The following MTNR1B variants were observed in gnomAD, a reference collection of about 807,000 sequenced individuals.
MTNR1B encodes melatonin receptor 1B.
Under a neutral mutation model 7.0 loss-of-function variants are expected in MTNR1B, and 7 were observed. The observed-to-expected ratio is 1.00, with a 90% confidence interval of 0.57 to 1.88. The LOEUF is 1.88. Among genes scored for constraint, MTNR1B ranks in the 40% most tolerant of loss-of-function variants. The pLI is 0.00. For missense variants in MTNR1B, 478 were observed against 486.5 expected (o/e 0.98, Z 0.16); for synonymous variants, 226 against 208.2 (o/e 1.09, Z -0.74).
intron 1 of MTNR1B, among the ~76,000 whole-genome samples, chr11:92,973,201 C>A (rs1194360159): frequency 6.6e-6 from 1 of 152,136 alleles, no homozygotes; most frequent in Non-Finnish European, 1.5e-5. Context: ...CCTACTCTTT[C>A]ATTCCACATG....
chr11:92,973,149 A>G (rs899324378), intron 1 of MTNR1B, among the ~76,000 whole-genome samples: 54 of 151,570 alleles, frequency 3.6e-4, no homozygotes, highest in African/African-American at 1.2e-3. Flanking sequence ...TTTTCTCTTC[A>G]TCTCCCGGAT....
intron 1 of MTNR1B, among the ~76,000 whole-genome samples, chr11:92,970,151 C>T (rs1447270993): frequency 1.3e-5 from 2 of 152,182 alleles, no homozygotes; most frequent in African/African-American, 2.4e-5. Context: ...CTGCCCAGGA[C>T]GCGCTTGGCA....
Position 92,981,625 on chromosome 11 carries a change from C to A in MTNR1B, c.402C>A (p.Ile134=). 6.2e-7 allele frequency: 1 copy of A among 1,614,190 alleles called. No individual in the cohort carries two copies. The highest frequency in any genetic ancestry group is 1.7e-5 in the Admixed American group (1 of 60,014). The change falls in exon 2 of 2, where the codon ATC becomes ATA. Residue 134 remains isoleucine, a synonymous_variant. Transcript: ENST00000257068. ...GCTCTGTCTTCAATATCACTGCCATCGCCATTAACCGCTACTGCTACATCT... is the reference window on the plus strand; with the variant it reads ...GCTCTGTCTTCAATATCACTGCCATAGCCATTAACCGCTACTGCTACATCT... The part of the protein sequence containing the change: ...VIGSVFNITA[I]AINRYCYICH...
rs1858094595 is a variant in MTNR1B at position 92,981,027 on chromosome 11, A to G, written c.224-420A>G. Among the ~76,000 whole-genome samples, 2 of 152,188 alleles carry G rather than the reference A, an allele frequency of 1.3e-5. 1 individual carries two copies. The highest frequency in any genetic ancestry group is 1.3e-4 in the Admixed American group (2 of 15,278). ...TGAGGGAATGTGAGGGAGCGATGAT[A>G]GTGATGAGAAATCCACACTCCTGAC... On this transcript the variant is annotated intron_variant, in intron 1 of 1. Coordinates refer to ENST00000257068, the MANE Select transcript of MTNR1B (RefSeq NM_005959.5).
At chr11:92,982,941 C>A (rs921094489), downstream of MTNR1B, among the ~76,000 whole-genome samples, 1 of 90,724 alleles carries the variant, frequency 1.1e-5, no homozygotes, top group East Asian at 4.4e-4. Flanking sequence ...ACTGCACCCC[C>A]CCCCCCCACA....
intron 1 of MTNR1B, among the ~76,000 whole-genome samples, chr11:92,972,249 A>G (rs778396384): frequency 1.3e-5 from 2 of 152,242 alleles, no homozygotes; most frequent in Non-Finnish European, 2.9e-5. Context: ...GTATTAAAAA[A>G]TTAAGTCTGT....
chr11:92,972,503 G>A (rs1360860652), intron 1 of MTNR1B: 2 of 455,990 alleles, frequency 4.4e-6, no homozygotes, highest in African/African-American at 4.0e-5. Flanking sequence ...GTGGTGGGTT[G>A]ACTTCAGAGA....
Position 92,969,714 on chromosome 11 carries a change from G to C in MTNR1B, c.-12G>C, listed in dbSNP as rs1223529307. On this transcript the variant is annotated 5_prime_UTR_variant, in exon 1 of 2. Coordinates refer to ENST00000257068, the MANE Select transcript of MTNR1B (RefSeq NM_005959.5). ...CGCGCGGTGGCCAAAGCACAGCGCG[G>C]GAGAGTCTGCGATGTCAGAGAACGG... 1.4e-6 allele frequency: 2 copies of C among 1,466,390 alleles called. No individual in the cohort carries two copies. Among genetic ancestry groups the C allele is most frequent in the Admixed American group, 2.2e-5 (1 of 45,124 alleles). 90.8% of individuals were successfully genotyped at this position (1,466,390 alleles called of 1,614,324 possible). A position where few individuals can be genotyped will look rare whatever the true frequency, so the allele number is the denominator to read the frequency against.
chr11:92,984,117 C>G (rs1858162094), downstream of MTNR1B, among the ~76,000 whole-genome samples: 1 of 152,034 alleles, frequency 6.6e-6, no homozygotes, highest in African/African-American at 2.4e-5. Flanking sequence ...CCTCAGCCAC[C>G]CAGCGGCTTT....
downstream of MTNR1B, among the ~76,000 whole-genome samples, chr11:92,982,936 A>AACCCCCC (rs1858140850): frequency 2.0e-5 from 1 of 49,168 alleles, no homozygotes; most frequent in African/African-American, 7.4e-5. Flanking sequence ...AACACACTGC[A>AACCCCCC]CCCCCCCCCC....
intron 1 of MTNR1B, among the ~76,000 whole-genome samples, chr11:92,976,223 C>T (rs6483209): frequency 0.082 from 12,429 of 152,208 alleles, 1,062 homozygotes; most frequent in African/African-American, 0.22. Flanking sequence ...AAAGCTCCTA[C>T]TGGCTCTTTC....
intron 1 of MTNR1B, among the ~76,000 whole-genome samples, chr11:92,977,981 G>T (rs1858037280): frequency 6.6e-6 from 1 of 152,182 alleles, no homozygotes. Context: ...AGGGGAGGTA[G>T]CCTGTCCATC....
At chr11:92,976,476 G>T (rs1345753438) in intron 1 of MTNR1B, among the ~76,000 whole-genome samples, 1 of 152,060 alleles carries the variant, frequency 6.6e-6, no homozygotes, top group Non-Finnish European at 1.5e-5. Context: ...ACTAGTGCTT[G>T]TTATATGCCA....
intron 1 of MTNR1B, among the ~76,000 whole-genome samples, chr11:92,976,276 G>A (rs1391202253): frequency 6.6e-6 from 1 of 152,032 alleles, no homozygotes; most frequent in South Asian, 2.1e-4. Flanking sequence ...ATAGAGAATT[G>A]GGAAGTAAAG....
At chr11:92,972,656 T>C (rs1857950372) in intron 1 of MTNR1B, 16 of 409,274 alleles carry the variant, frequency 3.9e-5, no homozygotes, top group South Asian at 2.8e-4. Flanking sequence ...TGGCACTGGG[T>C]TGGCACCTCA....
intron 1 of MTNR1B, among the ~76,000 whole-genome samples, chr11:92,981,186 T>A (rs995022369): frequency 6.6e-6 from 1 of 152,326 alleles, no homozygotes; most frequent in East Asian, 1.9e-4. Flanking sequence ...TATCATTAAT[T>A]CTTACAGCTA....
At chr11:92,975,292 T>C (rs562091929) in intron 1 of MTNR1B, among the ~76,000 whole-genome samples, 3 of 152,168 alleles carry the variant, frequency 2.0e-5, no homozygotes, top group Non-Finnish European at 2.9e-5. Flanking sequence ...GGTCTGACAA[T>C]GGATTTTTGT....
At chr11:92,984,838 T>C (rs1274756986), downstream of MTNR1B, 13 of 454,108 alleles carry the variant, frequency 2.9e-5, no homozygotes, top group African/African-American at 6.0e-5. Flanking sequence ...GCTGAGAGAA[T>C]CAAAAAGAAT....
chr11:92,969,816 T>C lies in MTNR1B; in HGVS notation c.91T>C (p.Ser31Pro). The change falls in exon 1 of 2, where the codon TCC becomes CCC. Residue 31 changes from serine (S) to proline (P), a missense_variant. Physicochemically the swap from Ser to Pro is moderately conservative, Grantham distance 74. Coordinates refer to ENST00000257068, the MANE Select transcript of MTNR1B (RefSeq NM_005959.5). ...GWSGAGSARP[S>P]RTPRPPWVAP... ...GTCGGGGGCTGGCAGCGCGCGGCCCTCCAGGACCCCTCGACCTCCCTGGGT... is the reference window on the plus strand; with the variant it reads ...GTCGGGGGCTGGCAGCGCGCGGCCCCCCAGGACCCCTCGACCTCCCTGGGT... 1 of 1,594,708 alleles carries C rather than the reference T, an allele frequency of 6.3e-7. No individual in the cohort carries two copies. The highest frequency in any genetic ancestry group is 8.5e-7 in the Non-Finnish European group (1 of 1,172,252).
Sources: gnomAD v4.1 joint callset for allele counts (sites outside exome capture counted in the v4.1 genomes callset) on GRCh38, gnomAD v4.1.1 for gene constraint, MANE v1.5 for transcripts, NCBI Gene and HGNC (gene_info 2026-07-23, HGNC 2026-07-21) for gene names.